Variants in BBX observed in about 807,000 individuals in gnomAD.
BBX encodes the protein HMG box transcription factor BBX.
A neutral mutation model predicts 100.2 loss-of-function variants in BBX; 30 were observed. The ratio of observed to expected loss-of-function variants is 0.30; its 90% CI spans 0.22 to 0.41. The LOEUF (loss-of-function observed/expected upper bound fraction) is 0.41, where lower values mean the gene tolerates loss of function less well. Ranked by LOEUF, BBX falls within the 10% of genes least tolerant of loss-of-function variation. The pLI, the probability that BBX is intolerant of heterozygous loss-of-function variation, is 1.00. For synonymous variants in BBX, 376 were observed against 388.1 expected, an observed-to-expected ratio of 0.97 and a Z score of 0.37; for missense variants, 1,023 against 1,129.8, an observed-to-expected ratio of 0.91 and a Z score of 1.35.
intron 9 of BBX, 80 bp from the exon 10 acceptor site, chr3:107,755,518 A>C (rs991606786): frequency 7.8e-7 from 1 of 1,277,818 alleles, no homozygotes; most frequent in Non-Finnish European, 1.1e-6. Flanking sequence ...ACTAAGAAAA[A>C]TTCCTGAATG....
intron 7 of BBX, among the ~76,000 whole-genome samples, chr3:107,741,457 G>A (rs186957246): frequency 3.9e-5 from 6 of 152,156 alleles, no homozygotes; most frequent in Admixed American, 6.5e-5. Context: ...CAAAAATCCC[G>A]TTAGCTATTT....
chr3:107,790,701 CG>C (rs2068926858), intron 14 of BBX, among the ~76,000 whole-genome samples: 1 of 152,130 alleles, frequency 6.6e-6, no homozygotes, highest in South Asian at 2.1e-4. Context: ...CCAACTCATC[CG>C]GTGCCCATTT....
intron 3 of BBX, among the ~76,000 whole-genome samples, chr3:107,665,156 T>G (rs1165793248): frequency 6.6e-6 from 1 of 152,210 alleles, no homozygotes; most frequent in East Asian, 1.9e-4. Context: ...TATTTCCTGG[T>G]ACTTATTCAA....
chr3:107,555,658 A>G (rs1007212320), intron 2 of BBX, among the ~76,000 whole-genome samples: 1 of 152,242 alleles, frequency 6.6e-6, no homozygotes, highest in Non-Finnish European at 1.5e-5. Flanking sequence ...AAGGAAAGGC[A>G]TCTGTAACAC....
At chr3:107,616,918 C>G (rs1434570972) in intron 2 of BBX, among the ~76,000 whole-genome samples, 1 of 151,978 alleles carries the variant, frequency 6.6e-6, no homozygotes, top group Admixed American at 6.6e-5. Flanking sequence ...CTAATTTTAC[C>G]TTTTATGGAT....
chr3:107,744,931 C>A (rs2064443756), intron 8 of BBX, among the ~76,000 whole-genome samples: 1 of 152,094 alleles, frequency 6.6e-6, no homozygotes, highest in African/African-American at 2.4e-5. Flanking sequence ...TAAAGTCATA[C>A]TAAATATTAT....
At chr3:107,653,225 C>T (rs990503554) in intron 3 of BBX, among the ~76,000 whole-genome samples, 1 of 152,118 alleles carries the variant, frequency 6.6e-6, no homozygotes, top group Non-Finnish European at 1.5e-5. Flanking sequence ...AATGCAACCA[C>T]AAAAAATTTC....
chr3:107,711,698 C>G (rs2061732474), intron 4 of BBX, among the ~76,000 whole-genome samples: 1 of 152,086 alleles, frequency 6.6e-6, no homozygotes, highest in African/African-American at 2.4e-5. Context: ...TTCAGAGAAA[C>G]AGGTTTTATT....
chr3:107,773,511 G>C lies in BBX; in HGVS notation c.1790G>C (p.Ser597Thr). The change falls in exon 11 of 18, where the codon AGT becomes ACT. Residue 597 changes from serine to threonine, a missense_variant. Transcript: ENST00000325805. The surrounding 1 kb of genome is among the most constrained non-coding windows in gnomAD (Gnocchi z 4.1). ...TCAGGACAGGCCAAGCCTGAGGACA[G>C]TGACTGTCACAGAAAAATAGAAACT... The part of the protein sequence containing the change: ...SLSGQAKPED[S>T]DCHRKIETCG... The C allele has an allele frequency of 6.2e-7, 1 of 1,614,100 alleles. No homozygotes were observed. Among genetic ancestry groups the C allele is most frequent in the Non-Finnish European group, 8.5e-7 (1 of 1,179,976 alleles).
At chr3:107,533,007 C>G (rs2048268696) in intron 2 of BBX, among the ~76,000 whole-genome samples, 1 of 151,716 alleles carries the variant, frequency 6.6e-6, no homozygotes, top group Admixed American at 6.6e-5. Flanking sequence ...AGTGTGGTAT[C>G]AAAACTCATT....
chr3:107,526,738 A>G (rs2047806057), intron 2 of BBX: 2 of 164,020 alleles, frequency 1.2e-5, no homozygotes, highest in Non-Finnish European at 2.6e-5. Flanking sequence ...GGAAGAGTGC[A>G]GTGTATGAGT....
chr3:107,742,314 CTT>C (rs1200031918), intron 7 of BBX, among the ~76,000 whole-genome samples: 4 of 143,168 alleles, frequency 2.8e-5, no homozygotes, highest in African/African-American at 2.5e-5. Flanking sequence ...CCTCCTTTTT[CTT>C]TTTTTTTTTT....
At position 107,773,699 on chromosome 3, in the gene BBX, T is replaced by C; in HGVS notation, c.1915+63T>C. The stretch of plus-strand genomic sequence containing the variant: ...CCAAACAGAATTTCACCTTTAGACC[T>C]ATTGAAAACAACTGCCATAAAAAAC... On this transcript the variant is annotated intron_variant, in intron 11 of 17. Coordinates refer to ENST00000325805, the MANE Select transcript of BBX (RefSeq NM_001142568.3). This position sits in a 1 kb window ranked among gnomAD's most constrained non-coding sequence, Gnocchi z 4.1. 1 of 1,438,956 alleles carries C rather than the reference T, an allele frequency of 6.9e-7. No individual in the cohort carries two copies. The highest frequency in any genetic ancestry group is 1.4e-5 in the South Asian group (1 of 69,652). 89.1% of individuals were successfully genotyped at this position (1,438,956 alleles called of 1,614,324 possible).
At chr3:107,638,002 C>T (rs1168963316) in intron 2 of BBX, among the ~76,000 whole-genome samples, 2 of 152,124 alleles carry the variant, frequency 1.3e-5, no homozygotes. Flanking sequence ...CAGCCTTGAA[C>T]TCCCAGGCTC....
chr3:107,725,198 G>A (rs1285883346), intron 5 of BBX, among the ~76,000 whole-genome samples: 1 of 152,024 alleles, frequency 6.6e-6, no homozygotes, highest in East Asian at 1.9e-4. Flanking sequence ...CTCATGATTT[G>A]GCTCTCTGTT....
intron 2 of BBX, among the ~76,000 whole-genome samples, chr3:107,559,553 G>T (rs1172810022): frequency 4.6e-5 from 7 of 152,190 alleles, no homozygotes; most frequent in Non-Finnish European, 8.8e-5. Context: ...GGAGCATGCA[G>T]TTAGGCAAGA....
At chr3:107,753,331 A>C (rs2065218450) in intron 9 of BBX, among the ~76,000 whole-genome samples, 1 of 152,206 alleles carries the variant, frequency 6.6e-6, no homozygotes, top group African/African-American at 2.4e-5. Flanking sequence ...CACACTAAGT[A>C]ATGCCATAAA....
chr3:107,706,633 G>A (rs1210498055), intron 3 of BBX, among the ~76,000 whole-genome samples: 1 of 152,096 alleles, frequency 6.6e-6, no homozygotes, highest in Non-Finnish European at 1.5e-5. Context: ...GAAGAATAAC[G>A]TCTTTTGAAT....
At chr3:107,719,833 A>G (rs992799909) in intron 5 of BBX, among the ~76,000 whole-genome samples, 5 of 152,002 alleles carry the variant, frequency 3.3e-5, no homozygotes, top group Non-Finnish European at 5.9e-5. Flanking sequence ...CAGGAATACA[A>G]ATCTCTGCAT....
Sources: gnomAD v4.1 joint callset for allele counts (sites outside exome capture counted in the v4.1 genomes callset) on GRCh38, gnomAD v4.1.1 for gene constraint, Gnocchi (gnomAD v3.1) non-coding constraint, MANE v1.5 for transcripts, NCBI Gene and HGNC (gene_info 2026-07-23, HGNC 2026-07-21) for gene names.